The following SLC9C2 variants were observed in gnomAD, a reference collection of about 807,000 sequenced individuals.
SLC9C2 encodes the protein solute carrier family 9 member C2 (putative).
Under a neutral mutation model 140.2 loss-of-function variants are expected in SLC9C2, and 75 were observed. That is an observed-to-expected ratio of 0.53 (90% CI 0.44 to 0.65). SLC9C2 has a LOEUF of 0.65. Ranked by LOEUF, SLC9C2 falls within the 30% of genes least tolerant of loss-of-function variation. The probability of loss-of-function intolerance (pLI) is 0.00; values close to 1 mark genes in which losing one functional copy is unlikely to be tolerated. For synonymous variants in SLC9C2, 375 were observed against 420.9 expected (o/e 0.89, Z 1.34); for missense variants, 1,074 against 1,331.8 (o/e 0.81, Z 3.01).
intron 13 of SLC9C2, among the ~76,000 whole-genome samples, chr1:173,540,556 T>A (rs1409195133): frequency 6.6e-6 from 1 of 152,132 alleles, no homozygotes; most frequent in African/African-American, 2.4e-5. Flanking sequence ...GTGGGGAAAC[T>A]GTAGCAGGAG....
At chr1:173,505,730 C>T (rs890696655) in intron 25 of SLC9C2, among the ~76,000 whole-genome samples, 35 of 152,184 alleles carry the variant, frequency 2.3e-4, no homozygotes, top group Admixed American at 1.8e-3. Context: ...ATCTGCCTCC[C>T]AGAATGCCAG....
chr1:173,517,622 C>A lies in SLC9C2; in HGVS notation c.2822G>T (p.Cys941Phe), dbSNP rs374880612. The part of the protein sequence containing the change: ...RGSRDMFTEF[C>F]TTGDIIGELS... ...CTCTCCAATTATGTCCCCAGTAGTA[C>A]AGAACTCTGTAAACATGTCTCTGGA... is the stretch of plus-strand genomic sequence containing the variant. The change falls in exon 23 of 28, where the codon TGT becomes TTT. Residue 941 changes from cysteine (C) to phenylalanine (F), a missense_variant. By Grantham distance (205) the Cys-to-Phe change is radical. Transcript: ENST00000367714. 5.6e-6 allele frequency: 9 copies of A among 1,614,014 alleles called. No individual in the cohort carries two copies. Among genetic ancestry groups the A allele is most frequent in the Non-Finnish European group, 7.6e-6 (9 of 1,179,976 alleles).
At chr1:173,526,594 GTTC>G (rs1045296824) in intron 19 of SLC9C2, 66 bp downstream of exon 19, 5 of 1,310,778 alleles carry the variant, frequency 3.8e-6, no homozygotes, top group Non-Finnish European at 4.3e-6. Context: ...AGCATGAATT[GTTC>G]TTCTTTTATT....
chr1:173,550,358 C>A (rs747255177), intron 11 of SLC9C2, among the ~76,000 whole-genome samples: 2 of 151,920 alleles, frequency 1.3e-5, no homozygotes, highest in Non-Finnish European at 2.9e-5. Flanking sequence ...GAGCCATAAT[C>A]GTGCCACTGC....
Position 173,517,722 on chromosome 1 carries a change from G to A in SLC9C2, c.2740-18C>T. 6.3e-7 allele frequency: 1 copy of A among 1,587,150 alleles called. No individual in the cohort carries two copies. The highest frequency in any genetic ancestry group is 8.5e-7 in the Non-Finnish European group (1 of 1,172,058). On this transcript the variant is annotated intron_variant, in intron 22 of 27. Transcript: ENST00000367714. ...CTATGCAACTGCAAAGGGAAAAAAA[G>A]TGTGCAAAGGGAAAGAAAAAATGAA...
intron 4 of SLC9C2, among the ~76,000 whole-genome samples, chr1:173,589,299 G>A (rs115853393): frequency 1.2e-3 from 178 of 152,252 alleles, no homozygotes; most frequent in African/African-American, 4.1e-3. Flanking sequence ...GCTCATGCCT[G>A]TAATCCCAAC....
rs1395696605 is a variant in SLC9C2, at chr1:173,529,226, GT to G, written c.2313+678del. The stretch of plus-strand genomic sequence containing the variant: ...ACAGCTATGAGTGAAAAATAAGGAA[GT>G]TTTTTATCTAAAGAATGCGAGTCTC... On this transcript the variant is annotated intron_variant, in intron 18 of 27. Coordinates refer to ENST00000367714, the MANE Select transcript of SLC9C2 (RefSeq NM_178527.4). 5.9e-5 allele frequency among the ~76,000 whole-genome samples: 9 copies of G among 152,264 alleles called. No homozygotes were observed. In the East Asian group the frequency reaches 1.5e-3, roughly 26 times the overall value.
In SLC9C2 at chr1:173,509,646, T is replaced by C. The variant is rs1659901711; in HGVS notation, c.2961A>G (p.Pro987=). Residue 987 remains proline, a synonymous_variant, in exon 24 of 28, where the codon CCA becomes CCG. Coordinates refer to ENST00000367714, the MANE Select transcript of SLC9C2 (RefSeq NM_178527.4). ...DLYEGFDAFW[P]SLEYKIWLKL... is the part of the protein sequence containing the mutation. ...TTAGCCATATTTTATATTCCAGAGA[T>C]GGCCAGAAGGCATCAAAGCCTTCAT... 6 of 1,594,752 alleles carry C rather than the reference T, an allele frequency of 3.8e-6. No individual in the cohort carries two copies. Among genetic ancestry groups the C allele is most frequent in the Admixed American group, 1.8e-5 (1 of 54,160 alleles).
chr1:173,529,767 T>C (rs900916852), intron 18 of SLC9C2, 138 bp downstream of exon 18: 1 of 887,494 alleles, frequency 1.1e-6, no homozygotes, highest in South Asian at 1.7e-5. Flanking sequence ...TAGCACCTCA[T>C]ATGATATAAT....
At chr1:173,590,079 C>T (rs1218954683) in intron 4 of SLC9C2, among the ~76,000 whole-genome samples, 1 of 151,924 alleles carries the variant, frequency 6.6e-6, no homozygotes, top group African/African-American at 2.4e-5. Flanking sequence ...CCCGTCTCTA[C>T]TAAAAATGCA....
At chr1:173,546,225 T>A (rs979922366) in intron 13 of SLC9C2, among the ~76,000 whole-genome samples, 1 of 152,182 alleles carries the variant, frequency 6.6e-6, no homozygotes, top group African/African-American at 2.4e-5. Context: ...ATGAAAATAA[T>A]TTCTTAAGAA....
chr1:173,533,162 A>C (rs937609857), intron 17 of SLC9C2, among the ~76,000 whole-genome samples: 2 of 152,214 alleles, frequency 1.3e-5, no homozygotes, highest in Non-Finnish European at 1.5e-5. Flanking sequence ...AGGGTGTTCC[A>C]GAAGAGACAA....
At chr1:173,566,245 G>A (rs904607066) in intron 9 of SLC9C2, among the ~76,000 whole-genome samples, 2 of 151,978 alleles carry the variant, frequency 1.3e-5, no homozygotes, top group African/African-American at 2.4e-5. Context: ...AATAATTTGA[G>A]TATAATGGGT....
intron 18 of SLC9C2, among the ~76,000 whole-genome samples, chr1:173,529,516 G>T (rs1661421601): frequency 6.6e-6 from 1 of 151,460 alleles, no homozygotes; most frequent in African/African-American, 2.4e-5. Flanking sequence ...TCAAATCTTT[G>T]TTCTCTTTTC....
At chr1:173,577,065 G>GT (rs1278999149) in intron 7 of SLC9C2, among the ~76,000 whole-genome samples, 1 of 152,192 alleles carries the variant, frequency 6.6e-6, no homozygotes, top group Non-Finnish European at 1.5e-5. Flanking sequence ...GTAAAACTTG[G>GT]TTTATAGACA....
chr1:173,505,478 C>T, intron 25 of SLC9C2, 147 bp from the exon 26 acceptor site: 4 of 631,496 alleles, frequency 6.3e-6, no homozygotes, highest in Admixed American at 5.8e-5. Flanking sequence ...ATTTCAAATC[C>T]TCTTTGATGT....
At chr1:173,514,661 T>C (rs1182088039) in intron 23 of SLC9C2, among the ~76,000 whole-genome samples, 2 of 152,226 alleles carry the variant, frequency 1.3e-5, no homozygotes, top group African/African-American at 4.8e-5. Flanking sequence ...AATATTGTTA[T>C]GTGTGAATTT....
intron 13 of SLC9C2, among the ~76,000 whole-genome samples, chr1:173,539,597 G>A (rs1201582127): frequency 6.6e-6 from 1 of 152,144 alleles, no homozygotes; most frequent in African/African-American, 2.4e-5. Flanking sequence ...GGTATGGAAG[G>A]AAGATTACAG....
chr1:173,529,767 T>A (rs900916852), intron 18 of SLC9C2, 138 bp downstream of exon 18: 1 of 887,612 alleles, frequency 1.1e-6, no homozygotes, highest in Non-Finnish European at 1.7e-6. Flanking sequence ...TAGCACCTCA[T>A]ATGATATAAT....
Sources: gnomAD v4.1 joint callset for allele counts (sites outside exome capture counted in the v4.1 genomes callset) on GRCh38, gnomAD v4.1.1 for gene constraint, MANE v1.5 for transcripts, NCBI Gene and HGNC (gene_info 2026-07-23, HGNC 2026-07-21) for gene names.